The following FRMPD4 variants were observed in gnomAD, a reference collection of about 807,000 sequenced individuals.
FRMPD4 encodes FERM and PDZ domain-containing protein 4.
FRMPD4 carries 22 observed loss-of-function variants against 94.1 expected under a neutral mutation model. That is an observed-to-expected ratio of 0.23 (90% CI 0.17 to 0.33). FRMPD4 has a LOEUF of 0.33. Among genes scored for constraint, FRMPD4 ranks in the 10% least tolerant of loss-of-function variants. The pLI, the probability that FRMPD4 is intolerant of heterozygous loss-of-function variation, is 1.00. For synonymous variants in FRMPD4, 631 were observed against 548.6 expected (o/e 1.15, Z -2.10); for missense variants, 1,111 against 1,339.9 (o/e 0.83, Z 2.67).
intron 3 of FRMPD4, among the ~76,000 whole-genome samples, chrX:11,921,081 G>A (rs771697180): frequency 4.5e-5 from 5 of 112,114 alleles, no homozygotes; most frequent in Non-Finnish European, 5.6e-5. Flanking sequence ...ATTGTCATCC[G>A]CATCCACTGC....
At chrX:12,225,045 TTTC>T (rs202212851) in intron 1 of FRMPD4, among the ~76,000 whole-genome samples, 1,590 of 111,520 alleles carry the variant, frequency 0.014, 34 homozygotes, top group African/African-American at 0.049. Context: ...TAGTCTAACA[TTTC>T]TTATTTCTTA....
chrX:12,235,403 A>G (rs1438061654), intron 1 of FRMPD4, among the ~76,000 whole-genome samples: 1 of 112,375 alleles, frequency 8.9e-6, no homozygotes, highest in Non-Finnish European at 1.9e-5. Context: ...CAGGTCTTCC[A>G]AGCTGCATAA....
chrX:12,388,041 CTACTGTCA>C (rs948176557), intron 1 of FRMPD4, among the ~76,000 whole-genome samples: 11 of 108,431 alleles, frequency 1.0e-4, no homozygotes, highest in Non-Finnish European at 1.9e-4. Flanking sequence ...CAAGAATGAA[CTACTGTCA>C]TACAGTATGG....
At chrX:12,323,463 A>C (rs1032318690) in intron 1 of FRMPD4, among the ~76,000 whole-genome samples, 1 of 111,499 alleles carries the variant, frequency 9.0e-6, no homozygotes, top group African/African-American at 3.3e-5. Flanking sequence ...GGTCTTTGGC[A>C]TAAAGAACCA....
At chrX:11,852,442 CAAAAAAAA>C (rs374590200) in intron 1 of FRMPD4, among the ~76,000 whole-genome samples, 5 of 52,629 alleles carry the variant, frequency 9.5e-5, no homozygotes, top group Admixed American at 2.5e-4. Context: ...ACCCTGTCTC[CAAAAAAAA>C]AAAAAAAAAA....
chrX:12,192,580 C>T (rs900618409), intron 1 of FRMPD4, among the ~76,000 whole-genome samples: 1 of 111,706 alleles, frequency 9.0e-6, no homozygotes, highest in African/African-American at 3.3e-5. Flanking sequence ...AAGGATTAAC[C>T]TCCTTGCCAT....
intron 1 of FRMPD4, among the ~76,000 whole-genome samples, chrX:12,388,824 T>C (rs1376239340): frequency 6.9e-5 from 5 of 72,449 alleles, no homozygotes; most frequent in Non-Finnish European, 1.3e-4. Flanking sequence ...ATGTGATATA[T>C]ATATATATAT....
At chrX:11,970,376 A>G (rs1211258446) in intron 3 of FRMPD4, among the ~76,000 whole-genome samples, 1 of 111,920 alleles carries the variant, frequency 8.9e-6, no homozygotes, top group Non-Finnish European at 1.9e-5. Context: ...GATGCTCACC[A>G]CATGTGCGCA....
intron 4 of FRMPD4, among the ~76,000 whole-genome samples, chrX:12,617,797 C>G: frequency 9.0e-6 from 1 of 110,538 alleles, no homozygotes; most frequent in East Asian, 2.8e-4. Flanking sequence ...CCTTTTCCCC[C>G]ATTGCAGCAT....
intron 1 of FRMPD4, among the ~76,000 whole-genome samples, chrX:12,343,928 T>C (rs367589697): frequency 5.7e-4 from 64 of 112,434 alleles, no homozygotes; most frequent in African/African-American, 2.0e-3. Flanking sequence ...CATCATCATA[T>C]GTTGCCAGAG....
At chrX:12,653,547 G>T (rs2059617973) in intron 4 of FRMPD4, among the ~76,000 whole-genome samples, 1 of 111,628 alleles carries the variant, frequency 9.0e-6, no homozygotes, top group East Asian at 2.8e-4. Context: ...TCTGCCCACT[G>T]GCAAGAGTCC....
intron 2 of FRMPD4, among the ~76,000 whole-genome samples, chrX:12,523,423 A>G (rs1191031241): frequency 8.9e-6 from 1 of 111,899 alleles, no homozygotes; most frequent in Non-Finnish European, 1.9e-5. Context: ...TGATTGTTGT[A>G]TTCCTGACAG....
intron 1 of FRMPD4, among the ~76,000 whole-genome samples, chrX:12,189,718 A>G (rs1193044192): frequency 9.0e-6 from 1 of 111,630 alleles, no homozygotes; most frequent in Non-Finnish European, 1.9e-5. Context: ...AACTAGAAAT[A>G]GAGGCAAATG....
intron 2 of FRMPD4, among the ~76,000 whole-genome samples, chrX:12,550,938 A>G (rs2058530664): frequency 9.1e-6 from 1 of 109,819 alleles, no homozygotes; most frequent in African/African-American, 3.3e-5. Context: ...GCATATGTAT[A>G]TATATATCAT....
chrX:12,521,824 A>G (rs778112708), intron 2 of FRMPD4, among the ~76,000 whole-genome samples: 1 of 111,309 alleles, frequency 9.0e-6, no homozygotes, highest in East Asian at 2.8e-4. Context: ...GTAGAGCTGA[A>G]CAATAAAGAG....
chrX:12,205,275 T>C lies in FRMPD4; in HGVS notation c.41+66263T>C, dbSNP rs186083255. Among the ~76,000 whole-genome samples the C allele has an allele frequency of 4.5e-5, 5 of 111,125 alleles. 1 individual carries two copies. Among genetic ancestry groups the C allele is most frequent in the Admixed American group, 3.8e-4 (4 of 10,470 alleles). The stretch of plus-strand genomic sequence containing the variant: ...AGAGAAATTTCACAGCCTGTTCCAG[T>C]TATTAACTACCCTGTTATGAAATGC... On this transcript the variant is annotated intron_variant, in intron 1 of 16. Coordinates refer to ENST00000675598, the MANE Select transcript of FRMPD4 (RefSeq NM_001368397.1).
intron 2 of FRMPD4, among the ~76,000 whole-genome samples, chrX:12,566,060 G>C (rs1302328418): frequency 9.0e-6 from 1 of 111,370 alleles, no homozygotes; most frequent in Non-Finnish European, 1.9e-5. Flanking sequence ...TTAAATATAG[G>C]GGACATGAAA....
intron 3 of FRMPD4, among the ~76,000 whole-genome samples, chrX:11,915,666 A>G (rs1275266920): frequency 1.9e-4 from 21 of 112,638 alleles, no homozygotes; most frequent in African/African-American, 6.8e-4. Flanking sequence ...AGTGACTACC[A>G]TATTGGACAG....
rs147024921 is a variant in FRMPD4, at chrX:12,671,549, C to T, written c.423-3314C>T. Among the ~76,000 whole-genome samples, 860 of 109,883 alleles carry T rather than the reference C, an allele frequency of 7.8e-3. 4 individuals are homozygous for T. The highest frequency in any genetic ancestry group is 0.012 in the Non-Finnish European group (627 of 52,711). ...GAGTTGAATAATGAGAACACATGGA[C>T]ACAGGGAGGGGAACATCACACACCA... On this transcript the variant is annotated intron_variant, in intron 4 of 16. Transcript: ENST00000675598.
Sources: gnomAD v4.1 joint callset for allele counts (sites outside exome capture counted in the v4.1 genomes callset) on GRCh38, gnomAD v4.1.1 for gene constraint, MANE v1.5 for transcripts, NCBI Gene and HGNC (gene_info 2026-07-23, HGNC 2026-07-21) for gene names.